The following REDIC1 variants were observed in gnomAD, a reference collection of about 807,000 sequenced individuals.
REDIC1 encodes the protein HEI10 Interacting Protein 1.
At chr12:39,736,644 A>C in the REDIC1 span, 1 of 152,238 alleles carries the variant, frequency 6.6e-6, no homozygotes, top group African/African-American at 2.4e-5. Flanking sequence ...GTGATGTTGC[A>C]TGGTTTCCAA....
At chr12:39,893,899 A>G in the REDIC1 span, among the ~76,000 whole-genome samples, 1 of 152,240 alleles carries the variant, frequency 6.6e-6, no homozygotes, top group African/African-American at 2.4e-5. Context: ...GAAAAAGTAA[A>G]TCCATTATTT....
chr12:39,889,606 C>T, the REDIC1 span, among the ~76,000 whole-genome samples: 2 of 147,774 alleles, frequency 1.4e-5, no homozygotes, highest in South Asian at 2.1e-4. Flanking sequence ...CATCTTGGCA[C>T]ACCACAACCT....
the REDIC1 span, among the ~76,000 whole-genome samples, chr12:39,744,853 C>T: frequency 6.6e-6 from 1 of 152,122 alleles, no homozygotes. Context: ...ACAGACATCA[C>T]TTCAAAAGTT....
the REDIC1 span, among the ~76,000 whole-genome samples, chr12:39,858,572 G>GA: frequency 6.6e-6 from 1 of 152,222 alleles, no homozygotes; most frequent in South Asian, 2.1e-4. Flanking sequence ...AAATACTGGG[G>GA]AAAAAAGAGG....
At chr12:39,760,115 C>T in the REDIC1 span, 2 of 1,612,978 alleles carry the variant, frequency 1.2e-6, no homozygotes, top group South Asian at 2.2e-5. Flanking sequence ...TCATCAGAAT[C>T]TGAAGTGCCA....
chr12:39,729,803 T>C, the REDIC1 span, among the ~76,000 whole-genome samples: 1 of 152,192 alleles, frequency 6.6e-6, no homozygotes, highest in Non-Finnish European at 1.5e-5. Context: ...TAAGTCTCTT[T>C]GTAGATCTCT....
chr12:39,877,806 T>C, the REDIC1 span, among the ~76,000 whole-genome samples: 1 of 152,200 alleles, frequency 6.6e-6, no homozygotes, highest in African/African-American at 2.4e-5. Flanking sequence ...AAAAAATACA[T>C]CATATTTTCC....
At chr12:39,818,255 A>T in the REDIC1 span, among the ~76,000 whole-genome samples, 1 of 152,252 alleles carries the variant, frequency 6.6e-6, no homozygotes, top group Admixed American at 6.5e-5. Flanking sequence ...TGATTTTTGA[A>T]ACTTTTCTGT....
the REDIC1 span, among the ~76,000 whole-genome samples, chr12:39,884,327 T>TTA: frequency 6.6e-6 from 1 of 152,144 alleles, no homozygotes; most frequent in African/African-American, 2.4e-5. Context: ...CACAAGGAAC[T>TTA]TACACATGTC....
the REDIC1 span, chr12:39,682,851 C>T: frequency 3.1e-6 from 5 of 1,612,150 alleles, no homozygotes; most frequent in South Asian, 3.3e-5. Flanking sequence ...ATGTATTAAA[C>T]ATAGATGAGC....
chr12:39,677,912 C>G, the REDIC1 span, among the ~76,000 whole-genome samples: 1 of 151,894 alleles, frequency 6.6e-6, no homozygotes, highest in African/African-American at 2.4e-5. Context: ...GTGACAAAAC[C>G]TATCGAAACC....
chr12:39,637,390 A>G, the REDIC1 span, among the ~76,000 whole-genome samples: 15,382 of 152,104 alleles, frequency 0.1, 930 homozygotes, highest in Middle Eastern at 0.14. Context: ...TTACTGTTTA[A>G]AAAAGATGAA....
At chr12:39,837,305 G>A in the REDIC1 span, among the ~76,000 whole-genome samples, 2 of 147,850 alleles carry the variant, frequency 1.4e-5, no homozygotes, top group Non-Finnish European at 3.0e-5. Context: ...AGCTGAAACT[G>A]GATCCCTTCC....
At chr12:39,864,305 C>T in the REDIC1 span, among the ~76,000 whole-genome samples, 20 of 152,156 alleles carry the variant, frequency 1.3e-4, no homozygotes, top group Admixed American at 4.6e-4. Context: ...GGAAAACTTT[C>T]CTTCTGTTTA....
At chr12:39,674,910 G>A in the REDIC1 span, among the ~76,000 whole-genome samples, 5,162 of 152,296 alleles carry the variant, frequency 0.034, 313 homozygotes, top group African/African-American at 0.12. Flanking sequence ...TCTTGGCGGT[G>A]GGGTGCGAAT....
At chr12:39,665,871 T>C in the REDIC1 span, among the ~76,000 whole-genome samples, 7 of 152,014 alleles carry the variant, frequency 4.6e-5, no homozygotes, top group East Asian at 1.4e-3. Flanking sequence ...TTGGCTCTGT[T>C]TGTCTGTTAT....
At chr12:39,705,155 C>T in the REDIC1 span, among the ~76,000 whole-genome samples, 3 of 151,674 alleles carry the variant, frequency 2.0e-5, no homozygotes, top group African/African-American at 7.3e-5. Context: ...AACAGGAATT[C>T]AAAGGATCAT....
chr12:39,783,124 G>T, the REDIC1 span, among the ~76,000 whole-genome samples: 1 of 152,062 alleles, frequency 6.6e-6, no homozygotes, highest in South Asian at 2.1e-4. Context: ...TGCGGTGTTT[G>T]GTTTTATGTC....
chr12:39,626,637 C>T, the REDIC1 span, among the ~76,000 whole-genome samples: 3 of 152,174 alleles, frequency 2.0e-5, no homozygotes, highest in Non-Finnish European at 2.9e-5. Flanking sequence ...TTCTCCATGT[C>T]CTATGCTCTG....
Sources: gnomAD v4.1 joint callset for allele counts (sites outside exome capture counted in the v4.1 genomes callset) on GRCh38, gnomAD v4.1.1 for gene constraint, MANE v1.5 for transcripts, NCBI Gene and HGNC (gene_info 2026-07-23, HGNC 2026-07-21) for gene names.